Variants in IRX6 observed in about 807,000 individuals in gnomAD.
IRX6 encodes iroquois-class homeodomain protein IRX-6.
IRX6 carries 46 observed loss-of-function variants against 47.7 expected under a neutral mutation model. The observed-to-expected ratio is 0.96, with a 90% confidence interval of 0.76 to 1.23. The LOEUF is 1.23. IRX6 is among the 50% of genes most tolerant of loss of function. The pLI, the probability that IRX6 is intolerant of heterozygous loss-of-function variation, is 0.00. For missense variants in IRX6, 722 were observed against 588.0 expected, an observed-to-expected ratio of 1.23 and a Z score of -2.36; for synonymous variants, 265 against 246.2, an observed-to-expected ratio of 1.08 and a Z score of -0.72.
At chr16:55,329,404 C>G in intron 5 of IRX6, 93 bp downstream of exon 5, 1 of 1,455,812 alleles carries the variant, frequency 6.9e-7, no homozygotes, top group Middle Eastern at 2.4e-4. Flanking sequence ...CCATTCCAGT[C>G]TGCCCAGGTC....
intron 5 of IRX6, 98 bp from the exon 6 acceptor site, chr16:55,330,200 C>T (rs747060458): frequency 8.3e-6 from 9 of 1,080,950 alleles, no homozygotes; most frequent in Non-Finnish European, 1.3e-5. Flanking sequence ...GCCTCTAGAC[C>T]ATTTGCTTGC....
chr16:55,329,413 T>A, intron 5 of IRX6, 102 bp downstream of exon 5: 2 of 1,433,804 alleles, frequency 1.4e-6, no homozygotes, highest in Non-Finnish European at 1.9e-6. Context: ...TCTGCCCAGG[T>A]CTCCCACAGA....
rs751555462 is a variant in IRX6, at chr16:55,327,254, T to C, written c.304-42T>C. On this transcript the variant is annotated intron_variant, in intron 2 of 5. Transcript: ENST00000290552. ...CTTAGCTACCACCCCATGTGCCCCC[T>C]CCCCAACTGTACTCCTGAATTCTCT... 2.8e-6 allele frequency: 4 copies of C among 1,441,098 alleles called. No homozygotes were observed. The South Asian group carries it at 4.6e-5, about 17-fold the overall frequency. 89.3% of individuals were successfully genotyped at this position (1,441,098 alleles called of 1,614,324 possible).
intron 4 of IRX6, among the ~76,000 whole-genome samples, chr16:55,328,193 C>T (rs1333529383): frequency 6.6e-6 from 1 of 152,174 alleles, no homozygotes; most frequent in Non-Finnish European, 1.5e-5. Flanking sequence ...CTTTGCCATA[C>T]TTGTCACTGT....
intron 1 of IRX6, among the ~76,000 whole-genome samples, chr16:55,325,530 G>C (rs186921604): frequency 1.1e-4 from 1 of 9,082 alleles, no homozygotes; most frequent in Non-Finnish European, 1.7e-4. Context: ...AAGGAAGGAA[G>C]GAGAGAGAGA....
rs1270681013 is a variant in IRX6, at chr16:55,329,281, G to A, written c.1303G>A (p.Val435Met). 7 of 1,611,076 alleles carry A rather than the reference G, an allele frequency of 4.3e-6. No homozygotes were observed. In the East Asian group the frequency reaches 6.7e-5, roughly 15 times the overall value. The change falls in exon 5 of 6, where the codon GTG becomes ATG. Residue 435 changes from valine (V) to methionine (M), a missense_variant. Transcript: ENST00000290552. ...APCPRRSEPV[V>M]QCQYPSGAEA... ...GTGCCCGCGGAGGAGCGAGCCTGTAGTGCAGTGCCAGTACCCGTCTGGAGC... is the reference window on the plus strand; with the variant it reads ...GTGCCCGCGGAGGAGCGAGCCTGTAATGCAGTGCCAGTACCCGTCTGGAGC...
In IRX6 at chr16:55,325,049, G is replaced by C; in HGVS notation, c.-43G>C. 6.2e-7 allele frequency: 1 copy of C among 1,607,694 alleles called. No homozygotes were observed. The highest frequency in any genetic ancestry group is 8.5e-7 in the Non-Finnish European group (1 of 1,174,382). On this transcript the variant is annotated 5_prime_UTR_variant, in exon 1 of 6. Coordinates refer to ENST00000290552, the MANE Select transcript of IRX6 (RefSeq NM_024335.3). ...GGCGCGGAACAGCTGGGCTGAGACG[G>C]GAACTCGACAGGGAAGAGAGAGACG... is the stretch of plus-strand genomic sequence containing the variant.
Position 55,324,314 on chromosome 16 carries a change from C to T in IRX6, c.-778C>T, listed in dbSNP as rs533641843. On this transcript the variant is annotated 5_prime_UTR_variant, in exon 1 of 6. Coordinates refer to ENST00000290552, the MANE Select transcript of IRX6 (RefSeq NM_024335.3). The surrounding 1 kb of genome is among the most constrained non-coding windows in gnomAD (Gnocchi z 4.4). ...CCCCTCTCCCCTCCTCCTTCTCCCT[C>T]TTGCCTTTCTCCCCCACTTTTCTCC... 2.0e-5 allele frequency: 3 copies of T among 151,514 alleles called. No homozygotes were observed. Among genetic ancestry groups the T allele is most frequent in the East Asian group, 2.0e-4 (1 of 5,034 alleles). 9.4% of individuals were successfully genotyped at this position (151,514 alleles called of 1,614,324 possible).
At position 55,325,114 on chromosome 16, in the gene IRX6, A is replaced by G. The variant is rs140654547; in HGVS notation, c.23A>G (p.His8Arg). 282 of 1,613,780 alleles carry G rather than the reference A, an allele frequency of 1.7e-4. No homozygotes were observed. The highest frequency in any genetic ancestry group is 2.1e-4 in the Non-Finnish European group (250 of 1,180,004). ...ACCATGTCCTTCCCACACTTTGGACACCCGTACCGCGGCGCTTCCCAGGTA... is the reference window on the plus strand; with the variant it reads ...ACCATGTCCTTCCCACACTTTGGACGCCCGTACCGCGGCGCTTCCCAGGTA... MSFPHFG[H>R]PYRGASQFLA... Residue 8 changes from histidine to arginine, a missense_variant, in exon 1 of 6, where the codon CAC (histidine) becomes CGC (arginine). By Grantham distance (29) the His-to-Arg change is conservative. Coordinates refer to ENST00000290552, the MANE Select transcript of IRX6 (RefSeq NM_024335.3).
At chr16:55,327,191 G>T in intron 2 of IRX6, 105 bp from the exon 3 acceptor site, 1 of 774,970 alleles carries the variant, frequency 1.3e-6, no homozygotes, top group East Asian at 2.6e-5. Context: ...AGGTCACACG[G>T]CCAGTACCAG....
intron 1 of IRX6, 95 bp from the exon 2 acceptor site, chr16:55,326,241 T>G: frequency 1.8e-6 from 2 of 1,110,386 alleles, no homozygotes; most frequent in Non-Finnish European, 2.5e-6. Context: ...TTATCTGATT[T>G]TCTCTTCTTT....
Position 55,324,804 on chromosome 16 carries a change from G to C in IRX6, c.-288G>C, listed in dbSNP as rs1259054845. 8 of 503,852 alleles carry C rather than the reference G, an allele frequency of 1.6e-5. No homozygotes were observed. The highest frequency in any genetic ancestry group is 2.5e-5 in the Non-Finnish European group (7 of 280,204). The allele number at this position is 503,852 out of a possible 1,614,324, so 31.2% of individuals were successfully genotyped here. A position where few individuals can be genotyped will look rare whatever the true frequency, so the allele number is the denominator to read the frequency against. On this transcript the variant is annotated 5_prime_UTR_variant, in exon 1 of 6. Transcript: ENST00000290552. This position sits in a 1 kb window ranked among gnomAD's most constrained non-coding sequence, Gnocchi z 4.4. Reference sequence around the variant, plus strand: ...CCCGCGCCGCGCCGCGCCTCACCTCGCCACCACGCGCCTTTGGGAACCCGC... The same window carrying C: ...CCCGCGCCGCGCCGCGCCTCACCTCCCCACCACGCGCCTTTGGGAACCCGC...
intron 5 of IRX6, 29 bp downstream of exon 5, chr16:55,329,340 A>T (rs759976793): frequency 1.3e-6 from 2 of 1,571,756 alleles, no homozygotes; most frequent in Admixed American, 1.7e-5. Flanking sequence ...CGCTGGGAGT[A>T]TCTATGCAAA....
At position 55,326,437 on chromosome 16, in the gene IRX6, C is replaced by T. The variant is rs112864370; in HGVS notation, c.147C>T (p.Cys49=). The change falls in exon 2 of 6, where the codon TGC becomes TGT. Residue 49 remains cysteine, a synonymous_variant. Coordinates refer to ENST00000290552, the MANE Select transcript of IRX6 (RefSeq NM_024335.3). ...SGSTPAPALC[C]APYDSRLLGS... ...CCACCCCAGCGCCCGCTCTCTGCTG[C>T]GCACCCTACGATAGTCGACTGCTGG... is the stretch of plus-strand genomic sequence containing the variant. 1.1e-4 allele frequency: 183 copies of T among 1,613,984 alleles called. No individual in the cohort carries two copies. In the African/African-American group the frequency reaches 1.9e-3, roughly 17 times the overall value.
At position 55,327,653 on chromosome 16, in the gene IRX6, C is replaced by T; in HGVS notation, c.481C>T (p.Leu161Phe). 1 of 1,612,530 alleles carries T rather than the reference C, an allele frequency of 6.2e-7. No individual in the cohort carries two copies. The highest frequency in any genetic ancestry group is 8.5e-7 in the Non-Finnish European group (1 of 1,179,956). The stretch of plus-strand genomic sequence containing the variant: ...CGCGACCCGGGAGACCACCAGTACA[C>T]TCAAGGCCTGGCTCAACGAGCACCG... Reference protein sequence around the residue: ...KNATRETTSTLKAWLNEHRKN... With the variant: ...KNATRETTSTFKAWLNEHRKN... The change falls in exon 4 of 6, where the codon CTC becomes TTC. Residue 161 changes from leucine (L) to phenylalanine (F), a missense_variant. Leu to Phe is a conservative substitution (Grantham distance 22, BLOSUM62 0). Transcript: ENST00000290552.
At chr16:55,325,501 A>G (rs1567338454) in intron 1 of IRX6, among the ~76,000 whole-genome samples, 3 of 27,084 alleles carry the variant, frequency 1.1e-4, no homozygotes, top group Non-Finnish European at 1.9e-4. Context: ...GAAGGAAGGA[A>G]GGAAGGAAGG....
chr16:55,327,960 A>C, intron 4 of IRX6, 67 bp downstream of exon 4: 1 of 1,497,978 alleles, frequency 6.7e-7, no homozygotes, highest in South Asian at 1.3e-5. Context: ...GGTCTTTCAA[A>C]AGCTGCCCTG....
chr16:55,327,951 G>A, intron 4 of IRX6, 58 bp downstream of exon 4: 2 of 1,525,468 alleles, frequency 1.3e-6, no homozygotes, highest in Non-Finnish European at 8.8e-7. Flanking sequence ...AAGCAGTTTG[G>A]TCTTTCAAAA....
Position 55,324,948 on chromosome 16 carries a change from C to G in IRX6, c.-144C>G. Reference sequence around the variant, plus strand: ...CGGGCTGCCCTCGGCTCTGCCTCCACTGGGGCCAACCAGGCGAAGGAACCG... The same window carrying G: ...CGGGCTGCCCTCGGCTCTGCCTCCAGTGGGGCCAACCAGGCGAAGGAACCG... On this transcript the variant is annotated 5_prime_UTR_variant, in exon 1 of 6. Coordinates refer to ENST00000290552, the MANE Select transcript of IRX6 (RefSeq NM_024335.3). This position sits in a 1 kb window ranked among gnomAD's most constrained non-coding sequence, Gnocchi z 4.4. 1 of 855,458 alleles carries G rather than the reference C, an allele frequency of 1.2e-6. No individual in the cohort carries two copies. The highest frequency in any genetic ancestry group is 1.9e-6 in the Non-Finnish European group (1 of 533,592). 53.0% of individuals were successfully genotyped at this position (855,458 alleles called of 1,614,324 possible). A position where few individuals can be genotyped will look rare whatever the true frequency, so the allele number is the denominator to read the frequency against.
Sources: allele counts gnomAD v4.1 joint callset (sites outside exome capture counted in the v4.1 genomes callset), GRCh38; gene constraint gnomAD v4.1.1; non-coding constraint Gnocchi (gnomAD v3.1); transcripts MANE v1.5; gene names NCBI Gene and HGNC (gene_info 2026-07-23, HGNC 2026-07-21).